The following BAG6 variants were observed in gnomAD, a reference collection of about 807,000 sequenced individuals.
BAG6 encodes large proline-rich protein BAG6.
BAG6 carries 22 observed loss-of-function variants against 121.0 expected under a neutral mutation model. The observed-to-expected ratio is 0.18, with a 90% CI of 0.13 to 0.26. BAG6 has a LOEUF of 0.26. Ranked by LOEUF, BAG6 falls within the 10% of genes least tolerant of loss-of-function variation. The probability of loss-of-function intolerance (pLI) is 1.00; values close to 1 mark genes in which losing one functional copy is unlikely to be tolerated. For synonymous variants in BAG6, 583 were observed against 584.6 expected, an observed-to-expected ratio of 1.00 and a Z score of 0.04; for missense variants, 1,233 against 1,537.7, an observed-to-expected ratio of 0.80 and a Z score of 3.31.
At position 31,642,842 on chromosome 6, in the gene BAG6, G is replaced by T. The variant is rs1346316415; in HGVS notation, c.2030C>A (p.Thr677Asn). The T allele has an allele frequency of 1.9e-6, 3 of 1,612,330 alleles. No homozygotes were observed. The African/African-American group carries it at 4.0e-5, about 22-fold the overall frequency. Residue 677 changes from threonine (T) to asparagine (N), a missense_variant, in exon 15 of 26, where the codon ACT (threonine) becomes AAT (asparagine). Physicochemically the swap from Thr to Asn is moderately conservative, Grantham distance 65 (BLOSUM62 0). Around this residue, in one of 7 missense-constraint regions of BAG6, gnomAD observed 777 missense variants for 861.4 expected, o/e 0.90. Transcript: ENST00000676615. The stretch of plus-strand genomic sequence containing the variant: ...CCAGCCACTCACCTGCAAGAAGTCA[G>T]TCATGCCTTGGAGAAAGGCAGGGAC... Reference protein sequence around the residue: ...PGVPAFLQGMTDFLQATQTAP... With the variant: ...PGVPAFLQGMNDFLQATQTAP...
rs1780177673 is a variant in BAG6, at chr6:31,639,481, T to C, written c.3393+19A>G. On this transcript the variant is annotated intron_variant, in intron 25 of 25. Transcript: ENST00000676615. Reference sequence around the variant, plus strand: ...AACCCCTCCCACTAGACCATCCCTATTCTGCTTCAAGGTGGCACCTGCTGC... The same window carrying C: ...AACCCCTCCCACTAGACCATCCCTACTCTGCTTCAAGGTGGCACCTGCTGC... The C allele has an allele frequency of 6.2e-7, 1 of 1,610,676 alleles. No individual in the cohort carries two copies. Among genetic ancestry groups the C allele is most frequent in the Non-Finnish European group, 8.5e-7 (1 of 1,177,830 alleles).
At chr6:31,649,467 G>C (rs755087059) in intron 3 of BAG6, 43 bp downstream of exon 3, 4 of 1,612,694 alleles carry the variant, frequency 2.5e-6, no homozygotes, top group Non-Finnish European at 3.4e-6. Context: ...CATCCCTCCA[G>C]ACAGTAGCCC....
intron 1 of BAG6, chr6:31,652,089 C>T (rs1797525108): frequency 7.4e-6 from 2 of 270,494 alleles, no homozygotes; most frequent in South Asian, 6.9e-5. Flanking sequence ...CCGGTCACGG[C>T]AGGACAAGCG....
Position 31,645,004 on chromosome 6 carries a change from G to A in BAG6, c.1311C>T (p.Val437=). 6.2e-7 allele frequency: 1 copy of A among 1,608,804 alleles called. No homozygotes were observed. The highest frequency in any genetic ancestry group is 8.5e-7 in the Non-Finnish European group (1 of 1,177,652). Residue 437 remains valine, a synonymous_variant, in exon 10 of 26, where the codon GTC becomes GTT. Transcript: ENST00000676615. Reference sequence around the variant, plus strand: ...CCACACTCTGGTGGGAAATCCGGATGACCCTCGGGTGGCTGGTGGCTGGCG... The same window carrying A: ...CCACACTCTGGTGGGAAATCCGGATAACCCTCGGGTGGCTGGTGGCTGGCG... ...APPPATSHPR[V]IRISHQSVEP...
At position 31,639,573 on chromosome 6, in the gene BAG6, C is replaced by A; in HGVS notation, c.3320G>T (p.Arg1107Leu). The change falls in exon 25 of 26, where the codon CGG (arginine) becomes CTG (leucine). Residue 1107 changes from arginine to leucine, a missense_variant. Transcript: ENST00000676615. Reference sequence around the variant, plus strand: ...CAGGCTCTCGGGGCTCGTCAGGGGCCGAGCTCCGGCTGCCTTAGCTGCCCG... The same window carrying A: ...CAGGCTCTCGGGGCTCGTCAGGGGCAGAGCTCCGGCTGCCTTAGCTGCCCG... ...VSRAAKAAGA[R>L]PLTSPESLSR... 1 of 1,614,090 alleles carries A rather than the reference C, an allele frequency of 6.2e-7. No individual in the cohort carries two copies. The highest frequency in any genetic ancestry group is 8.5e-7 in the Non-Finnish European group (1 of 1,179,978).
intron 24 of BAG6, 64 bp from the exon 25 acceptor site, chr6:31,639,710 T>A: frequency 6.5e-7 from 1 of 1,543,298 alleles, no homozygotes. Flanking sequence ...ACCATCCGGC[T>A]CACCCTTTCC....
rs1325271059 is a variant in BAG6 at position 31,642,120 on chromosome 6, C to A, written c.2327G>T (p.Gly776Val). Residue 776 changes from glycine to valine, a missense_variant, in exon 16 of 26, where the codon GGG becomes GTG. By Grantham distance (109) the Gly-to-Val change is moderately radical (BLOSUM62 -3). This residue lies in a region of BAG6 where 288 missense variants were observed against 483.1 expected (regional missense o/e 0.60). Coordinates refer to ENST00000676615, the MANE Select transcript of BAG6 (RefSeq NM_001387994.1). ...GCATCCTTTTTGCTCACCAAGGGCC[C>A]CATCAGCTCCAGGCTCAAAGATGTT... Reference protein sequence around the residue: ...SSNIFEPGADGALGFFGALLS... With the variant: ...SSNIFEPGADVALGFFGALLS... 6.8e-6 allele frequency: 11 copies of A among 1,611,928 alleles called. No homozygotes were observed. Among genetic ancestry groups the A allele is most frequent in the Non-Finnish European group, 8.5e-6 (10 of 1,179,182 alleles).
At chr6:31,639,325 C>CG (rs1011695832) in intron 25 of BAG6, 99 bp from the exon 26 acceptor site, 23 of 1,451,764 alleles carry the variant, frequency 1.6e-5, no homozygotes, top group African/African-American at 1.4e-4. Flanking sequence ...CATTTCCCCC[C>CG]CCAAGCACAC....
intron 2 of BAG6, among the ~76,000 whole-genome samples, chr6:31,650,428 G>A (rs1048685081): frequency 5.3e-5 from 8 of 151,862 alleles, no homozygotes; most frequent in African/African-American, 1.9e-4. Context: ...TTGGGAGGCC[G>A]AGGCAGGTGG....
At position 31,641,005 on chromosome 6, in the gene BAG6, G is replaced by A. The variant is rs2150688021; in HGVS notation, c.2788-67C>T. On this transcript the variant is annotated intron_variant, in intron 20 of 25. Coordinates refer to ENST00000676615, the MANE Select transcript of BAG6 (RefSeq NM_001387994.1). The surrounding 1 kb of genome is among the most constrained non-coding windows in gnomAD (Gnocchi z 5.7). ...CACCTTTAGAAATAGATTAGATCCA[G>A]GTTACAGAATGTCAGTTTAGAAAAG... The A allele has an allele frequency of 6.3e-7, 1 of 1,599,864 alleles. No homozygotes were observed. Among genetic ancestry groups the A allele is most frequent in the Non-Finnish European group, 8.5e-7 (1 of 1,172,932 alleles).
rs938890001 is a variant in BAG6 at position 31,639,178 on chromosome 6, G to A, written c.3442C>T (p.Pro1148Ser). 3 of 1,613,954 alleles carry A rather than the reference G, an allele frequency of 1.9e-6. No individual in the cohort carries two copies. Among genetic ancestry groups the A allele is most frequent in the Middle Eastern group, 1.6e-4 (1 of 6,076 alleles). Residue 1148 changes from proline (P) to serine (S), a missense_variant, in exon 26 of 26, where the codon CCC becomes TCC. Pro to Ser is a moderately conservative substitution (Grantham distance 74). Coordinates refer to ENST00000676615, the MANE Select transcript of BAG6 (RefSeq NM_001387994.1). ...KRLQEDPNYS[P>S]QRFPNAQRAF... is the part of the protein sequence containing the mutation. ...CGCTGGGCATTGGGGAAGCGCTGGG[G>A]ACTGTAGTTGGGGTCTTCCTGCAGT...
chr6:31,643,740 A>AAAAAAAAAC (rs1785485977), intron 14 of BAG6, 150 bp downstream of exon 14: 1 of 570,360 alleles, frequency 1.8e-6, no homozygotes, highest in Non-Finnish European at 2.9e-6. Context: ...AAAAAAAAAA[A>AAAAAAAAAC]AAAAAAGCTG....
Position 31,644,277 on chromosome 6 carries a change from C to T in BAG6, c.1555+30G>A. 1 of 1,553,942 alleles carries T rather than the reference C, an allele frequency of 6.4e-7. No individual in the cohort carries two copies. The highest frequency in any genetic ancestry group is 2.4e-5 in the East Asian group (1 of 41,034). On this transcript the variant is annotated intron_variant, in intron 12 of 25. Coordinates refer to ENST00000676615, the MANE Select transcript of BAG6 (RefSeq NM_001387994.1). The surrounding 1 kb of genome is among the most constrained non-coding windows in gnomAD (Gnocchi z 4.9). ...AGCTGCCACCATGGACTGTGCCCTACCTCCCAAGCCTCCCCTTCCAGGTCA... is the reference window on the plus strand; with the variant it reads ...AGCTGCCACCATGGACTGTGCCCTATCTCCCAAGCCTCCCCTTCCAGGTCA...
Position 31,645,148 on chromosome 6 carries a change from G to A in BAG6, c.1167C>T (p.Pro389=), listed in dbSNP as rs142913228. The change falls in exon 10 of 26, where the codon CCC becomes CCT. Residue 389 remains proline (P), a synonymous_variant. Transcript: ENST00000676615. ...GAGGTGCCTCTGCATTGGGAGTTGG[G>A]GGGGGCCGAGTCCCATTTCCTGTCA... ...VTMTGNGTRP[P]PTPNAEAPPP... 4 of 1,612,792 alleles carry A rather than the reference G, an allele frequency of 2.5e-6. No homozygotes were observed. The highest frequency in any genetic ancestry group is 2.7e-5 in the African/African-American group (2 of 74,928).
intron 7 of BAG6, 151 bp from the exon 8 acceptor site, chr6:31,646,674 A>G (rs1349947662): frequency 4.2e-6 from 4 of 963,100 alleles, no homozygotes; most frequent in Non-Finnish European, 2.8e-6. Flanking sequence ...TATTCTCTTC[A>G]ACCTCCGCCT....
intron 25 of BAG6, 22 bp from the exon 26 acceptor site, chr6:31,639,248 G>A (rs537676567): frequency 6.2e-7 from 1 of 1,605,380 alleles, no homozygotes; most frequent in Non-Finnish European, 8.5e-7. Context: ...AAGTAAGCAG[G>A]TTGGAGAAAC....
At position 31,645,623 on chromosome 6, in the gene BAG6, A is replaced by T. The variant is rs1181344306; in HGVS notation, c.919-19T>A. 1 of 1,611,660 alleles carries T rather than the reference A, an allele frequency of 6.2e-7. No individual in the cohort carries two copies. The highest frequency in any genetic ancestry group is 2.2e-5 in the East Asian group (1 of 44,858). The stretch of plus-strand genomic sequence containing the variant: ...CCTCGTGCTGCGCACAACCAGCCAA[A>T]CACAAAAAGGCAGAAAATATCAAGC... On this transcript the variant is annotated intron_variant, in intron 8 of 25. Coordinates refer to ENST00000676615, the MANE Select transcript of BAG6 (RefSeq NM_001387994.1).
At position 31,649,510 on chromosome 6, in the gene BAG6, T is replaced by C. The variant is rs367790643; in HGVS notation, c.226A>G (p.Asn76Asp). The change falls in exon 3 of 26, where the codon AAT becomes GAT. Residue 76 changes from asparagine (N) to aspartate (D), a missense_variant and splice_region_variant. Asn to Asp is a conservative substitution (Grantham distance 23). Coordinates refer to ENST00000676615, the MANE Select transcript of BAG6 (RefSeq NM_001387994.1). ...LQDDKKLQEY[N>D]VGGKVIHLVE... is the part of the protein sequence containing the mutation. ...TGAACTGCCTCCCCAGCCCCCTTAC[T>C]GTATTCCTGAAGCTTCTTATCATCT... 11 of 1,614,036 alleles carry C rather than the reference T, an allele frequency of 6.8e-6. No homozygotes were observed. Among genetic ancestry groups the C allele is most frequent in the Non-Finnish European group, 9.3e-6 (11 of 1,179,986 alleles).
chr6:31,649,259 C>T lies in BAG6; in HGVS notation c.363G>A (p.Gly121=). 1 of 1,613,058 alleles carries T rather than the reference C, an allele frequency of 6.2e-7. No homozygotes were observed. The highest frequency in any genetic ancestry group is 2.2e-5 in the East Asian group (1 of 44,888). ...TGGCATTCCGGTCATGAACAGAGGC[C>T]CCAGGCCCCCGAGTACCAGGGGGGG... is the stretch of plus-strand genomic sequence containing the variant. ...GGSPPGTRGP[G]ASVHDRNANS... is the part of the protein sequence containing the mutation. The change falls in exon 4 of 26, where the codon GGG becomes GGA. Residue 121 remains glycine, a synonymous_variant. Coordinates refer to ENST00000676615, the MANE Select transcript of BAG6 (RefSeq NM_001387994.1).
Sources: allele counts gnomAD v4.1 joint callset (sites outside exome capture counted in the v4.1 genomes callset), GRCh38; gene constraint gnomAD v4.1.1; regional missense constraint gnomAD v4.1.1; non-coding constraint Gnocchi (gnomAD v3.1); transcripts MANE v1.5; gene names NCBI Gene and HGNC (gene_info 2026-07-23, HGNC 2026-07-21).